The following PVR variants were observed in gnomAD, a reference collection of about 807,000 sequenced individuals.
PVR encodes the protein poliovirus receptor.
In PVR, 39 loss-of-function variants were observed where a neutral mutation model predicts 43.3. The ratio of observed to expected loss-of-function variants is 0.90; its 90% CI spans 0.70 to 1.18. PVR has a LOEUF of 1.18. PVR is among the 50% of genes most tolerant of loss of function. The pLI is 0.00. For synonymous variants in PVR, 224 were observed against 233.2 expected, an observed-to-expected ratio of 0.96 and a Z score of 0.36; for missense variants, 480 against 549.7, an observed-to-expected ratio of 0.87 and a Z score of 1.27.
At chr19:44,661,697 T>A in intron 7 of PVR, 43 bp from the exon 8 acceptor site, 1 of 1,583,006 alleles carries the variant, frequency 6.3e-7, no homozygotes. Context: ...TTTGATTTTG[T>A]TCAAAAGAGC....
At chr19:44,659,371 G>A (rs1433996519) in intron 6 of PVR, among the ~76,000 whole-genome samples, 5 of 152,228 alleles carry the variant, frequency 3.3e-5, no homozygotes, top group Non-Finnish European at 7.3e-5. Context: ...CTGGAGAAGT[G>A]TGCCAGCTCA....
At position 44,661,930 on chromosome 19, in the gene PVR, C is replaced by A; in HGVS notation, c.*119C>A. 1.0e-6 allele frequency: 1 copy of A among 960,342 alleles called. No individual in the cohort carries two copies. Among genetic ancestry groups the A allele is most frequent in the Non-Finnish European group, 1.6e-6 (1 of 628,330 alleles). The allele number at this position is 960,342 out of a possible 1,614,324, so 59.5% of individuals were successfully genotyped here. A position where few individuals can be genotyped will look rare whatever the true frequency, so the allele number is the denominator to read the frequency against. On this transcript the variant is annotated 3_prime_UTR_variant, in exon 8 of 8. Transcript: ENST00000425690. ...AAAGAGACCAGCCTCCCTCCCTGTG[C>A]CAGACCTCAAAACGACGGGGGCAGG...
At chr19:44,653,851 G>GC (rs762279735) in intron 3 of PVR, 49 bp from the exon 4 acceptor site, 1 of 1,308,054 alleles carries the variant, frequency 7.6e-7, no homozygotes, top group Non-Finnish European at 1.1e-6. Context: ...GTAGCCCCAG[G>GC]CCCCCCAAAG....
rs1357153841 is a variant in PVR, at chr19:44,661,886, A to G, written c.*75A>G. The G allele has an allele frequency of 3.4e-5, 46 of 1,340,384 alleles. No homozygotes were observed. The highest frequency in any genetic ancestry group is 2.2e-4 in the Admixed American group (13 of 58,156). The allele number at this position is 1,340,384 out of a possible 1,614,324, so 83.0% of individuals were successfully genotyped here. A position where few individuals can be genotyped will look rare whatever the true frequency, so the allele number is the denominator to read the frequency against. On this transcript the variant is annotated 3_prime_UTR_variant, in exon 8 of 8. Transcript: ENST00000425690. ...GCCTCCAGAGTTGGACCCGACCCCA[A>G]TGGATGAAGACCCCCTCCAAAGAGA...
Position 44,650,155 on chromosome 19 carries a change from C to T in PVR, c.724+50C>T, listed in dbSNP as rs1599762848. 8 of 1,481,720 alleles carry T rather than the reference C, an allele frequency of 5.4e-6. No homozygotes were observed. The South Asian group carries it at 5.5e-5, about 10-fold the overall frequency. The allele number at this position is 1,481,720 out of a possible 1,614,324, so 91.8% of individuals were successfully genotyped here. A position where few individuals can be genotyped will look rare whatever the true frequency, so the allele number is the denominator to read the frequency against. ...GCAAGAACCCCTGCCGGGCTGCCCC[C>T]ACCACTGTCTACACTGACTCCCCAA... On this transcript the variant is annotated intron_variant, in intron 3 of 7. Transcript: ENST00000425690.
chr19:44,655,498 A>G (rs1265973112), intron 4 of PVR, among the ~76,000 whole-genome samples: 1 of 152,204 alleles, frequency 6.6e-6, no homozygotes, highest in Non-Finnish European at 1.5e-5. Flanking sequence ...AAGTGTACCC[A>G]GCCACCTCCA....
At position 44,649,750 on chromosome 19, in the gene PVR, C is replaced by T. The variant is rs189629605; in HGVS notation, c.428-59C>T. On this transcript the variant is annotated intron_variant, in intron 2 of 7. Transcript: ENST00000425690. The stretch of plus-strand genomic sequence containing the variant: ...TGCCATCCTGTACCCTTAATGAATG[C>T]CCCCTTCTGCCACGGAGGGGTTCAT... 44 of 1,549,434 alleles carry T rather than the reference C, an allele frequency of 2.8e-5. No individual in the cohort carries two copies. In the East Asian group the frequency reaches 9.9e-4, roughly 35 times the overall value.
At chr19:44,657,526 C>T (rs991677705) in intron 4 of PVR, among the ~76,000 whole-genome samples, 5 of 152,142 alleles carry the variant, frequency 3.3e-5, no homozygotes, top group African/African-American at 1.2e-4. Context: ...AGGGAGGTAC[C>T]GTGGAAGCCC....
intron 1 of PVR, among the ~76,000 whole-genome samples, chr19:44,646,551 G>C (rs1010069151): frequency 6.6e-6 from 1 of 152,078 alleles, no homozygotes; most frequent in Non-Finnish European, 1.5e-5. Context: ...GATCACTTGA[G>C]GTCAGGAGTT....
At chr19:44,645,963 C>G (rs1047347228) in intron 1 of PVR, among the ~76,000 whole-genome samples, 1 of 151,982 alleles carries the variant, frequency 6.6e-6, no homozygotes, top group Non-Finnish European at 1.5e-5. Flanking sequence ...AGTCTCTGAC[C>G]GCCCAAGTTC....
In PVR at chr19:44,662,086, G is replaced by A. The variant is rs982632322; in HGVS notation, c.*275G>A. ...GGACAGAGATTAAGATCAGCAAAGG[G>A]AGGAGGTGCACAGCACACGTTCCAC... On this transcript the variant is annotated 3_prime_UTR_variant, in exon 8 of 8. Transcript: ENST00000425690. 1.0e-5 allele frequency: 5 copies of A among 479,578 alleles called. No homozygotes were observed. Among genetic ancestry groups the A allele is most frequent in the East Asian group, 3.4e-5 (1 of 29,012 alleles). 29.7% of individuals were successfully genotyped at this position (479,578 alleles called of 1,614,324 possible). A position where few individuals can be genotyped will look rare whatever the true frequency, so the allele number is the denominator to read the frequency against.
intron 3 of PVR, among the ~76,000 whole-genome samples, chr19:44,651,628 A>T (rs1037822568): frequency 2.0e-4 from 31 of 152,018 alleles, no homozygotes; most frequent in Admixed American, 6.6e-4. Flanking sequence ...CTCACCCCAC[A>T]TCACCACACT....
rs1299191877 is a variant in PVR, at chr19:44,644,125, CGCT to C, written c.37_39del (p.Leu13del). On this transcript the variant is annotated inframe_deletion, in exon 1 of 8. Transcript: ENST00000425690. Reference sequence around the variant, plus strand: ...GCCCGAGCCATGGCCGCCGCGTGGCCGCTGCTGCTGGTGGCGCTACTGGTGCTG... The same window carrying C: ...GCCCGAGCCATGGCCGCCGCGTGGCCGCTGCTGGTGGCGCTACTGGTGCTG... The C allele has an allele frequency of 6.6e-7, 1 of 1,519,760 alleles. No individual in the cohort carries two copies. The highest frequency in any genetic ancestry group is 1.4e-5 in the African/African-American group (1 of 70,172). 94.1% of individuals were successfully genotyped at this position (1,519,760 alleles called of 1,614,324 possible). A position where few individuals can be genotyped will look rare whatever the true frequency, so the allele number is the denominator to read the frequency against.
chr19:44,647,373 T>C lies in PVR; in HGVS notation c.230T>C (p.Val77Ala). 1 of 1,613,910 alleles carries C rather than the reference T, an allele frequency of 6.2e-7. No individual in the cohort carries two copies. The highest frequency in any genetic ancestry group is 8.5e-7 in the Non-Finnish European group (1 of 1,179,952). Reference sequence around the variant, plus strand: ...CATGGTGAATCTGGCAGCATGGCCGTCTTCCACCAAACGCAGGGCCCCAGC... The same window carrying C: ...CATGGTGAATCTGGCAGCATGGCCGCCTTCCACCAAACGCAGGGCCCCAGC... ...ARHGESGSMA[V>A]FHQTQGPSYS... The change falls in exon 2 of 8, where the codon GTC becomes GCC. Residue 77 changes from valine (V) to alanine (A), a missense_variant. By Grantham distance (64) the Val-to-Ala change is moderately conservative. Transcript: ENST00000425690.
At chr19:44,661,466 G>A in intron 7 of PVR, 143 bp downstream of exon 7, 1 of 919,246 alleles carries the variant, frequency 1.1e-6, no homozygotes, top group East Asian at 2.6e-5. Context: ...CCTTCCTGCT[G>A]GGCGGAATCC....
chr19:44,662,946 C>T lies in PVR; in HGVS notation c.*1135C>T, dbSNP rs368516831. The T allele has an allele frequency of 6.6e-6, 1 of 152,202 alleles. No homozygotes were observed. The highest frequency in any genetic ancestry group is 1.5e-5 in the Non-Finnish European group (1 of 68,058). 9.4% of individuals were successfully genotyped at this position (152,202 alleles called of 1,614,324 possible). On this transcript the variant is annotated 3_prime_UTR_variant, in exon 8 of 8. Transcript: ENST00000425690. ...GGTGTCCAAGGAGCAGAGAAAACTA[C>T]TAGATGTGAACTTGAAGAAGGTTGT...
rs1189324297 is a variant in PVR at position 44,662,291 on chromosome 19, C to G, written c.*480C>G. 1 of 172,416 alleles carries G rather than the reference C, an allele frequency of 5.8e-6. No homozygotes were observed. The highest frequency in any genetic ancestry group is 1.3e-5 in the Non-Finnish European group (1 of 78,630). 10.7% of individuals were successfully genotyped at this position (172,416 alleles called of 1,614,324 possible). On this transcript the variant is annotated 3_prime_UTR_variant, in exon 8 of 8. Coordinates refer to ENST00000425690, the MANE Select transcript of PVR (RefSeq NM_006505.5). ...GTTTGTCTTGAGACAGGGTCTGGCTCTGTTGGCAGACTAGAGTACAGTGGT... is the reference window on the plus strand; with the variant it reads ...GTTTGTCTTGAGACAGGGTCTGGCTGTGTTGGCAGACTAGAGTACAGTGGT...
intron 6 of PVR, among the ~76,000 whole-genome samples, chr19:44,660,006 G>A (rs112380004): frequency 2.0e-5 from 3 of 152,112 alleles, no homozygotes; most frequent in East Asian, 1.9e-4. Flanking sequence ...ATACTGCCTC[G>A]TCCAGGAAGC....
chr19:44,653,145 T>G (rs1599766117), intron 3 of PVR, among the ~76,000 whole-genome samples: 1 of 152,188 alleles, frequency 6.6e-6, no homozygotes, highest in Non-Finnish European at 1.5e-5. Context: ...GTGGGGGTGA[T>G]CTCACCCCCA....
Sources: allele counts gnomAD v4.1 joint callset (sites outside exome capture counted in the v4.1 genomes callset), GRCh38; gene constraint gnomAD v4.1.1; transcripts MANE v1.5; gene names NCBI Gene and HGNC (gene_info 2026-07-23, HGNC 2026-07-21).